AGK: variants seen among roughly 807,000 people sequenced by gnomAD.
AGK encodes acylglycerol kinase.
Under a neutral mutation model 66.4 loss-of-function variants are expected in AGK, and 52 were observed. The observed-to-expected ratio is 0.78, with a 90% confidence interval of 0.63 to 0.99. AGK has a LOEUF of 0.99. AGK is among the 50% of genes least tolerant of loss of function. The pLI is 0.00. For synonymous variants in AGK, 182 were observed against 181.1 expected, an observed-to-expected ratio of 1.00 and a Z score of -0.04; for missense variants, 451 against 506.6, an observed-to-expected ratio of 0.89 and a Z score of 1.05.
intron 9 of AGK, among the ~76,000 whole-genome samples, chr7:141,627,041 C>G (rs1796952208): frequency 6.6e-6 from 1 of 152,102 alleles, no homozygotes; most frequent in Admixed American, 6.5e-5. Context: ...ATAGATAAAG[C>G]TAATGTGGAG....
intron 2 of AGK, among the ~76,000 whole-genome samples, chr7:141,574,706 A>G (rs1048333610): frequency 6.6e-6 from 1 of 152,216 alleles, no homozygotes; most frequent in Admixed American, 6.5e-5. Flanking sequence ...GAGAGGGAAC[A>G]AATTGTGTGG....
In AGK at chr7:141,555,004, T is replaced by A. The variant is rs1404571390; in HGVS notation, c.-14-449T>A. Among the ~76,000 whole-genome samples, 1 of 152,224 alleles carries A rather than the reference T, an allele frequency of 6.6e-6. No individual in the cohort carries two copies. On this transcript the variant is annotated intron_variant, in intron 1 of 15. Transcript: ENST00000649286. This position sits in a 1 kb window ranked among gnomAD's most constrained non-coding sequence, Gnocchi z 4.2. ...CCTGGTATTTTCTTCTATTTTGAACTCGCCCTTCATATTATTATTTTTTGG... is the reference window on the plus strand; with the variant it reads ...CCTGGTATTTTCTTCTATTTTGAACACGCCCTTCATATTATTATTTTTTGG...
intron 2 of AGK, among the ~76,000 whole-genome samples, chr7:141,578,455 C>T (rs577729252): frequency 1.3e-5 from 2 of 152,010 alleles, no homozygotes; most frequent in African/African-American, 4.8e-5. Flanking sequence ...GATGGCTTAG[C>T]TTGGGCTCAG....
intron 9 of AGK, among the ~76,000 whole-genome samples, chr7:141,629,601 A>G (rs1191706100): frequency 2.0e-5 from 3 of 152,094 alleles, no homozygotes; most frequent in East Asian, 1.9e-4. Context: ...TGACAGTCCT[A>G]TGCCCATCTG....
chr7:141,646,645 T>C (rs71545333), intron 13 of AGK, among the ~76,000 whole-genome samples: 1,846 of 152,294 alleles, frequency 0.012, 16 homozygotes, highest in Non-Finnish European at 0.02. Flanking sequence ...AAGCTAACAA[T>C]ATTTTTTACA....
At chr7:141,603,037 T>C (rs1477613553) in intron 5 of AGK, among the ~76,000 whole-genome samples, 1 of 152,178 alleles carries the variant, frequency 6.6e-6, no homozygotes, top group Non-Finnish European at 1.5e-5. Context: ...TGTTGAAATT[T>C]GTTTTATGGT....
intron 9 of AGK, among the ~76,000 whole-genome samples, chr7:141,622,765 T>A (rs1458979491): frequency 1.3e-5 from 2 of 152,106 alleles, no homozygotes; most frequent in Non-Finnish European, 2.9e-5. Context: ...AATCAAAAGC[T>A]AGAGATGAGA....
chr7:141,647,332 C>T (rs1326136434), intron 13 of AGK, among the ~76,000 whole-genome samples: 1 of 152,180 alleles, frequency 6.6e-6, no homozygotes, highest in African/African-American at 2.4e-5. Context: ...CCAGCTTCCT[C>T]GCCATGGTCT....
intron 5 of AGK, among the ~76,000 whole-genome samples, chr7:141,605,413 T>G (rs906299267): frequency 2.6e-5 from 4 of 152,208 alleles, no homozygotes; most frequent in Non-Finnish European, 5.9e-5. Context: ...CCTGGGATTT[T>G]TGTTTGCTTT....
intron 2 of AGK, among the ~76,000 whole-genome samples, chr7:141,577,617 C>T (rs527471760): frequency 4.5e-4 from 69 of 152,226 alleles, no homozygotes; most frequent in Admixed American, 1.2e-3. Flanking sequence ...GCCTTGCGGA[C>T]TGAATTCCAG....
At chr7:141,588,541 G>A (rs1562965986) in intron 2 of AGK, among the ~76,000 whole-genome samples, 1 of 151,942 alleles carries the variant, frequency 6.6e-6, no homozygotes, top group South Asian at 2.1e-4. Context: ...ACTTGAACCC[G>A]GGAGATGGAA....
rs771375243 is a variant in AGK at position 141,611,287 on chromosome 7, G to C, written c.390G>C (p.Glu130Asp). 3 of 1,606,696 alleles carry C rather than the reference G, an allele frequency of 1.9e-6. No individual in the cohort carries two copies. In the African/African-American group the frequency reaches 4.0e-5, roughly 22 times the overall value. ...CAGGAGGAGATGGGACACTGCAGGA[G>C]GTATGACTGTTTTTCTCTTTGAAGC... is the stretch of plus-strand genomic sequence containing the variant. Reference protein sequence around the residue: ...IVAGGDGTLQEVVTGVLRRTD... With the variant: ...IVAGGDGTLQDVVTGVLRRTD... The change falls in exon 6 of 16, where the codon GAG (glutamate) becomes GAC (aspartate). Residue 130 changes from glutamate (E) to aspartate (D), a missense_variant and splice_region_variant. Glu to Asp is a conservative substitution (Grantham distance 45). Coordinates refer to ENST00000649286, the MANE Select transcript of AGK (RefSeq NM_018238.4).
intron 11 of AGK, among the ~76,000 whole-genome samples, chr7:141,639,907 A>G (rs964452949): frequency 1.3e-5 from 2 of 152,214 alleles, no homozygotes; most frequent in African/African-American, 4.8e-5. Flanking sequence ...TTTTTAGGAC[A>G]TATTGTAGAA....
intron 10 of AGK, among the ~76,000 whole-genome samples, chr7:141,634,773 A>G (rs1351512237): frequency 6.6e-6 from 1 of 150,434 alleles, no homozygotes; most frequent in African/African-American, 2.4e-5. Flanking sequence ...ATTGTGGCTG[A>G]TCTCACACAT....
In AGK at chr7:141,554,245, G is replaced by A. The variant is rs1046262069; in HGVS notation, c.-14-1208G>A. Reference sequence around the variant, plus strand: ...GCCTGTGGTCCCAGCTACTTGGGAGGCTGAGGCAGGAGATTTGTTTGGGCC... The same window carrying A: ...GCCTGTGGTCCCAGCTACTTGGGAGACTGAGGCAGGAGATTTGTTTGGGCC... On this transcript the variant is annotated intron_variant, in intron 1 of 15. Transcript: ENST00000649286. 3.3e-5 allele frequency among the ~76,000 whole-genome samples: 5 copies of A among 151,846 alleles called. No homozygotes were observed. The East Asian group carries it at 7.7e-4, about 23-fold the overall frequency.
At chr7:141,553,380 C>T (rs1168922355) in intron 1 of AGK, among the ~76,000 whole-genome samples, 1 of 152,202 alleles carries the variant, frequency 6.6e-6, no homozygotes, top group Non-Finnish European at 1.5e-5. Flanking sequence ...GTGATTTCCT[C>T]CTCATTATTC....
chr7:141,641,096 A>G (rs1023989433), intron 11 of AGK, 152 bp from the exon 12 acceptor site: 12 of 634,336 alleles, frequency 1.9e-5, no homozygotes, highest in African/African-American at 3.7e-5. Context: ...TGAGGATTCC[A>G]TGCTCCAAAC....
intron 9 of AGK, among the ~76,000 whole-genome samples, chr7:141,632,092 G>T (rs1323562014): frequency 6.6e-6 from 1 of 152,000 alleles, no homozygotes; most frequent in Non-Finnish European, 1.5e-5. Flanking sequence ...TTAGCTGGGC[G>T]TGGTGGCGTG....
intron 11 of AGK, among the ~76,000 whole-genome samples, chr7:141,639,326 A>T (rs1797237444): frequency 1.3e-5 from 2 of 152,198 alleles, no homozygotes; most frequent in Non-Finnish European, 2.9e-5. Context: ...AGGGAAGGCA[A>T]AAGCTGAGAG....
Sources: gnomAD v4.1 joint callset for allele counts (sites outside exome capture counted in the v4.1 genomes callset) on GRCh38, gnomAD v4.1.1 for gene constraint, Gnocchi (gnomAD v3.1) non-coding constraint, MANE v1.5 for transcripts, NCBI Gene and HGNC (gene_info 2026-07-23, HGNC 2026-07-21) for gene names.